The following FAR1 variants were observed in gnomAD, a reference collection of about 807,000 sequenced individuals.
FAR1 encodes male sterility domain-containing protein 2.
A neutral mutation model predicts 61.1 loss-of-function variants in FAR1; 22 were observed. The ratio of observed to expected loss-of-function variants is 0.36; its 90% confidence interval spans 0.26 to 0.51. FAR1 has a LOEUF of 0.51. Among genes scored for constraint, FAR1 ranks in the 20% least tolerant of loss-of-function variants. FAR1 has a pLI of 0.95. For synonymous variants in FAR1, 206 were observed against 209.7 expected, an observed-to-expected ratio of 0.98 and a Z score of 0.15; for missense variants, 359 against 626.9, an observed-to-expected ratio of 0.57 and a Z score of 4.56.
chr11:13,712,842 TA>T (rs527691498), intron 7 of FAR1, 123 bp from the exon 8 acceptor site: 539 of 574,194 alleles, frequency 9.4e-4, no homozygotes, highest in Non-Finnish European at 1.1e-3. Flanking sequence ...TAAGGATAAT[TA>T]AAAAAAAATA....
intron 1 of FAR1, among the ~76,000 whole-genome samples, chr11:13,690,896 G>A (rs1339738453): frequency 6.6e-6 from 1 of 152,070 alleles, no homozygotes; most frequent in Non-Finnish European, 1.5e-5. Flanking sequence ...GTATTTAGTA[G>A]GTTTTAGAAT....
chr11:13,716,109 G>T (rs778310342), intron 9 of FAR1, among the ~76,000 whole-genome samples: 6 of 152,096 alleles, frequency 3.9e-5, no homozygotes, highest in Non-Finnish European at 7.4e-5. Flanking sequence ...ATTCTTCATG[G>T]CTAAAATGCA....
chr11:13,705,424 G>A (rs1048229309), intron 3 of FAR1, among the ~76,000 whole-genome samples: 1 of 151,998 alleles, frequency 6.6e-6, no homozygotes, highest in Non-Finnish European at 1.5e-5. Context: ...AAAAAGGCAA[G>A]GCATAGAAGT....
At chr11:13,675,320 A>T (rs1848055642) in intron 1 of FAR1, among the ~76,000 whole-genome samples, 1 of 152,188 alleles carries the variant, frequency 6.6e-6, no homozygotes, top group African/African-American at 2.4e-5. Context: ...GTGGGAACTG[A>T]CATTATTTTA....
At chr11:13,695,632 T>G (rs1156304585) in intron 2 of FAR1, among the ~76,000 whole-genome samples, 1 of 152,154 alleles carries the variant, frequency 6.6e-6, no homozygotes, top group Non-Finnish European at 1.5e-5. Flanking sequence ...ACTGCAGGCA[T>G]ATCTCAAAAA....
chr11:13,712,879 C>T, intron 7 of FAR1, 87 bp from the exon 8 acceptor site: 1 of 961,972 alleles, frequency 1.0e-6, no homozygotes. Context: ...CCATCATCCT[C>T]ATGTCTTCTT....
At chr11:13,676,866 A>G (rs2134167437) in intron 1 of FAR1, among the ~76,000 whole-genome samples, 1 of 152,302 alleles carries the variant, frequency 6.6e-6, no homozygotes, top group African/African-American at 2.4e-5. Context: ...TACTAGTAGG[A>G]AACAACTTAT....
intron 1 of FAR1, among the ~76,000 whole-genome samples, chr11:13,680,858 C>G (rs1848119648): frequency 6.6e-6 from 1 of 152,150 alleles, no homozygotes; most frequent in African/African-American, 2.4e-5. Flanking sequence ...CAGTCTTAAT[C>G]AAAACATTAA....
In FAR1 at chr11:13,721,967, C is replaced by G; in HGVS notation, c.1257+108C>G. The G allele has an allele frequency of 1.1e-6, 1 of 873,870 alleles. No homozygotes were observed. The allele number at this position is 873,870 out of a possible 1,614,324, so 54.1% of individuals were successfully genotyped here. ...CACAGCTATTATGCAACAAGTAAGC[C>G]ATTATTTATAGTCTCTCATAAAGCT... On this transcript the variant is annotated intron_variant, in intron 10 of 11. Coordinates refer to ENST00000354817, the MANE Select transcript of FAR1 (RefSeq NM_032228.6). The surrounding 1 kb of genome is among the most constrained non-coding windows in gnomAD (Gnocchi z 4.2).
At chr11:13,712,527 C>A (rs554411114) in intron 7 of FAR1, among the ~76,000 whole-genome samples, 1 of 151,354 alleles carries the variant, frequency 6.6e-6, no homozygotes, top group Non-Finnish European at 1.5e-5. Context: ...AGTAAACTAC[C>A]CTTATTTTTG....
At position 13,708,097 on chromosome 11, in the gene FAR1, T is replaced by G; in HGVS notation, c.545+18T>G. On this transcript the variant is annotated intron_variant, in intron 4 of 11. Coordinates refer to ENST00000354817, the MANE Select transcript of FAR1 (RefSeq NM_032228.6). ...TCTTTAGAGTATGTTTGTTTGAAAT[T>G]TATATACATTTACTTTGATCCCAAA... 1 of 1,537,262 alleles carries G rather than the reference T, an allele frequency of 6.5e-7. No individual in the cohort carries two copies. The highest frequency in any genetic ancestry group is 1.3e-5 in the South Asian group (1 of 78,852).
At chr11:13,722,175 C>T (rs1336255617) in intron 10 of FAR1, among the ~76,000 whole-genome samples, 2 of 151,882 alleles carry the variant, frequency 1.3e-5, no homozygotes, top group African/African-American at 4.8e-5. Flanking sequence ...TTTGTTTTCT[C>T]TTGAGTTTTG....
intron 2 of FAR1, among the ~76,000 whole-genome samples, chr11:13,698,930 A>G (rs574694567): frequency 2.0e-5 from 3 of 152,030 alleles, no homozygotes; most frequent in Admixed American, 1.3e-4. Flanking sequence ...GGCCTTTCTT[A>G]TCTCCATACA....
chr11:13,674,729 A>G (rs1293173128), intron 1 of FAR1, among the ~76,000 whole-genome samples: 1 of 152,246 alleles, frequency 6.6e-6, no homozygotes, highest in East Asian at 1.9e-4. Flanking sequence ...ATTTGAGCTA[A>G]TGAAAAATTT....
chr11:13,718,938 A>T (rs1387643711), intron 9 of FAR1, among the ~76,000 whole-genome samples: 1 of 152,164 alleles, frequency 6.6e-6, no homozygotes, highest in Non-Finnish European at 1.5e-5. Context: ...TCCTCGCAGT[A>T]TGGCAGCCTC....
At chr11:13,687,942 A>C (rs1294417085) in intron 1 of FAR1, among the ~76,000 whole-genome samples, 2 of 100,688 alleles carry the variant, frequency 2.0e-5, no homozygotes, top group Non-Finnish European at 1.8e-5. Context: ...CACACCGGGG[A>C]CTGTTGTGGG....
At chr11:13,700,218 T>TA (rs771928820) in intron 2 of FAR1, 99 bp from the exon 3 acceptor site, 61 of 879,856 alleles carry the variant, frequency 6.9e-5, no homozygotes, top group Middle Eastern at 3.4e-4. Flanking sequence ...TTTAAGTTTC[T>TA]AAAAAAATAG....
chr11:13,688,535 T>A (rs1276057620), intron 1 of FAR1, among the ~76,000 whole-genome samples: 1 of 152,194 alleles, frequency 6.6e-6, no homozygotes, highest in Non-Finnish European at 1.5e-5. Flanking sequence ...TCTCAATTGT[T>A]AGAGGGAAAA....
rs1565348948 is a variant in FAR1 at position 13,710,811 on chromosome 11, C to T, written c.664C>T (p.Leu222=). The change falls in exon 5 of 12, where the codon CTA becomes TTA. Residue 222 remains leucine (L), a synonymous_variant. Coordinates refer to ENST00000354817, the MANE Select transcript of FAR1 (RefSeq NM_032228.6). Reference sequence around the variant, plus strand: ...TGTTGTACAACAAGAAGGAGCAAAACTAAATGTGGCAATTGTAAGGCCATC... The same window carrying T: ...TGTTGTACAACAAGAAGGAGCAAAATTAAATGTGGCAATTGTAAGGCCATC... ...EYVVQQEGAK[L]NVAIVRPSIV... is the part of the protein sequence containing the mutation. 1 of 1,612,756 alleles carries T rather than the reference C, an allele frequency of 6.2e-7. No homozygotes were observed. The highest frequency in any genetic ancestry group is 8.5e-7 in the Non-Finnish European group (1 of 1,179,438).
Sources: gnomAD v4.1 joint callset for allele counts (sites outside exome capture counted in the v4.1 genomes callset) on GRCh38, gnomAD v4.1.1 for gene constraint, Gnocchi (gnomAD v3.1) non-coding constraint, MANE v1.5 for transcripts, NCBI Gene and HGNC (gene_info 2026-07-23, HGNC 2026-07-21) for gene names.